DRC7: variants seen among roughly 807,000 people sequenced by gnomAD.
The protein encoded by DRC7 is dynein regulatory complex subunit 7, also known as coiled-coil domain containing 135.
DRC7 carries 80 observed loss-of-function variants against 104.4 expected under a neutral mutation model. That is an observed-to-expected ratio of 0.77 (90% CI 0.64 to 0.92). The LOEUF (loss-of-function observed/expected upper bound fraction) is 0.92, where lower values mean the gene tolerates loss of function less well. DRC7 is among the 40% of genes least tolerant of loss of function. The pLI, the probability that DRC7 is intolerant of heterozygous loss-of-function variation, is 0.00. For missense variants in DRC7, 1,034 were observed against 1,141.1 expected, an observed-to-expected ratio of 0.91 and a Z score of 1.35; for synonymous variants, 405 against 447.3, an observed-to-expected ratio of 0.91 and a Z score of 1.19.
At chr16:57,709,914 C>T (rs2048775886) in intron 8 of DRC7, among the ~76,000 whole-genome samples, 1 of 152,192 alleles carries the variant, frequency 6.6e-6, no homozygotes, top group Non-Finnish European at 1.5e-5. Context: ...AGACTGCAGG[C>T]ATGTGCCACT....
intron 7 of DRC7, among the ~76,000 whole-genome samples, chr16:57,705,455 T>A (rs2048702688): frequency 7.4e-6 from 1 of 134,700 alleles, no homozygotes; most frequent in African/African-American, 2.8e-5. Flanking sequence ...TGATCTCTCC[T>A]CCCATTCATC....
chr16:57,722,966 T>C, intron 11 of DRC7, 36 bp from the exon 12 acceptor site: 1 of 1,613,478 alleles, frequency 6.2e-7, no homozygotes, highest in Middle Eastern at 1.7e-4. Flanking sequence ...CTAGGGGAGC[T>C]GGCCTGGCTG....
rs773563436 is a variant in DRC7, at chr16:57,724,667, T to C, written c.1590T>C (p.Tyr530=). The C allele has an allele frequency of 1.2e-6, 2 of 1,613,972 alleles. No individual in the cohort carries two copies. The highest frequency in any genetic ancestry group is 1.7e-6 in the Non-Finnish European group (2 of 1,180,012). The stretch of plus-strand genomic sequence containing the variant: ...AGATGGACCGTGTCATTGAGTTTTA[T>C]GAAACGGCCCGTGTGGATGGCCTGA... ...QPEMDRVIEF[Y]ETARVDGLMK... Residue 530 remains tyrosine (Y), a synonymous_variant, in exon 13 of 19, where the codon TAT becomes TAC. Coordinates refer to ENST00000360716, the MANE Select transcript of DRC7 (RefSeq NM_001289162.2).
intron 8 of DRC7, among the ~76,000 whole-genome samples, chr16:57,712,056 G>A (rs1434230651): frequency 6.6e-6 from 1 of 152,172 alleles, no homozygotes; most frequent in East Asian, 1.9e-4. Flanking sequence ...AAGCAAGAAG[G>A]AGGTCTGCTT....
At chr16:57,718,547 C>A (rs1480727265) in intron 9 of DRC7, 72 bp downstream of exon 9, 11 of 1,569,176 alleles carry the variant, frequency 7.0e-6, no homozygotes, top group Non-Finnish European at 9.6e-6. Flanking sequence ...GTGTCCCCAG[C>A]AGCATATGTG....
At chr16:57,701,700 CT>C (rs1343549043) in intron 5 of DRC7, 12 of 519,396 alleles carry the variant, frequency 2.3e-5, no homozygotes, top group Non-Finnish European at 3.8e-5. Context: ...AGGTTTCCCC[CT>C]ATCAGGAAGT....
intron 12 of DRC7, among the ~76,000 whole-genome samples, chr16:57,723,506 G>C (rs1365254092): frequency 6.6e-6 from 1 of 152,076 alleles, no homozygotes; most frequent in Admixed American, 6.6e-5. Context: ...GCCAACATGG[G>C]CAGTTGAGCC....
Position 57,718,423 on chromosome 16 carries a change from T to A in DRC7, c.1154T>A (p.Leu385Ter). ...GGGACTGATAAGTCTCAGCTGTCCT[T>A]GACTGAAGAAGACGACAGTGGGATA... ...LLGTDKSQLSLTEEDDSGIND... is the reference protein window; with the variant it reads ...LLGTDKSQLS The change falls in exon 9 of 19, where the codon TTG (leucine) becomes TAG (stop). Residue 385 changes from leucine (L) to a stop codon, truncating the protein, a stop_gained. Coordinates refer to ENST00000360716, the MANE Select transcript of DRC7 (RefSeq NM_001289162.2). LOFTEE classifies it high-confidence loss of function. The A allele has an allele frequency of 6.2e-7, 1 of 1,614,078 alleles. No individual in the cohort carries two copies.
chr16:57,731,060 C>T lies in DRC7; in HGVS notation c.2521C>T (p.Arg841Cys), dbSNP rs369743078. ...GTTCCGCATCCGCATCCTGGAGCAG[C>T]GCCTCAATCGGTGAGCAGGCAGGGC... is the stretch of plus-strand genomic sequence containing the variant. ...AMFRIRILEQ[R>C]LNRHKELAPL... Residue 841 changes from arginine (R) to cysteine (C), a missense_variant, in exon 18 of 19, where the codon CGC (arginine) becomes TGC (cysteine). Physicochemically the swap from Arg to Cys is radical, Grantham distance 180. Coordinates refer to ENST00000360716, the MANE Select transcript of DRC7 (RefSeq NM_001289162.2). The T allele has an allele frequency of 2.4e-5, 38 of 1,613,616 alleles. No homozygotes were observed. The highest frequency in any genetic ancestry group is 1.6e-4 in the Middle Eastern group (1 of 6,082).
At position 57,729,173 on chromosome 16, in the gene DRC7, G is replaced by A. The variant is rs1452893223; in HGVS notation, c.2391+589G>A. Among the ~76,000 whole-genome samples the A allele has an allele frequency of 4.6e-5, 6 of 130,390 alleles. No individual in the cohort carries two copies. In the East Asian group the frequency reaches 7.5e-4, roughly 16 times the overall value. 85.5% of individuals were successfully genotyped at this position (130,390 alleles called of 152,430 possible). ...GGGTGGATGGATGAATGGATGAGTG[G>A]GTGGGTAGATGGATGAATGGATGGA... On this transcript the variant is annotated intron_variant, in intron 17 of 18. Transcript: ENST00000360716.
intron 6 of DRC7, among the ~76,000 whole-genome samples, chr16:57,703,570 G>A (rs1263338738): frequency 1.3e-5 from 2 of 152,138 alleles, no homozygotes; most frequent in African/African-American, 2.4e-5. Context: ...GTGGGAGAAG[G>A]GCGAGACAGA....
intron 7 of DRC7, among the ~76,000 whole-genome samples, chr16:57,705,808 C>CCACCCA (rs2048714648): frequency 2.9e-5 from 1 of 34,634 alleles, no homozygotes; most frequent in African/African-American, 2.1e-4. Flanking sequence ...CCTCCCATTT[C>CCACCCA]TCCTCCCATC....
intron 9 of DRC7, among the ~76,000 whole-genome samples, chr16:57,718,765 G>C (rs1242362255): frequency 2.0e-5 from 3 of 152,140 alleles, no homozygotes; most frequent in Non-Finnish European, 4.4e-5. Context: ...GAGTTGCCCT[G>C]CTCCTTTGGA....
chr16:57,726,247 G>T lies in DRC7; in HGVS notation c.1938G>T (p.Lys646Asn). 6.2e-7 allele frequency: 1 copy of T among 1,612,854 alleles called. No homozygotes were observed. The highest frequency in any genetic ancestry group is 8.5e-7 in the Non-Finnish European group (1 of 1,179,726). The change falls in exon 14 of 19, where the codon AAG becomes AAT. Residue 646 changes from lysine (K) to asparagine (N), a missense_variant. By Grantham distance (94) the Lys-to-Asn change is moderately conservative (BLOSUM62 0). Transcript: ENST00000360716. ...RRTEVDSKGNKIIMTPDMCIS... is the reference protein window; with the variant it reads ...RRTEVDSKGNNIIMTPDMCIS... ...CCGAGGTGGACAGCAAAGGCAACAAGATCATCATGACGCCCGACATGTGCA... is the reference window on the plus strand; with the variant it reads ...CCGAGGTGGACAGCAAAGGCAACAATATCATCATGACGCCCGACATGTGCA...
intron 8 of DRC7, 95 bp from the exon 9 acceptor site, chr16:57,718,252 C>G: frequency 6.7e-7 from 1 of 1,500,912 alleles, no homozygotes; most frequent in East Asian, 2.3e-5. Context: ...GGTCCCTTCT[C>G]TGCCCCGGAG....
chr16:57,705,769 CCCATCCATCCATCCTCCCAT>C (rs2048712273), intron 7 of DRC7, among the ~76,000 whole-genome samples: 1 of 117,792 alleles, frequency 8.5e-6, no homozygotes, highest in African/African-American at 3.4e-5. Flanking sequence ...CATCCATCCT[CCCATCCATCCATCCTCCCAT>C]CCATCCATCC....
Position 57,726,852 on chromosome 16 carries a change from C to T in DRC7, c.1995C>T (p.Thr665=). Residue 665 remains threonine, a synonymous_variant, in exon 15 of 19, where the codon ACC becomes ACT. Transcript: ENST00000360716. ...CCCAGGTGGAGCCCATGGAGCACAC[C>T]AAGAAGCTGCTCTACCAGTACGAGG... ...ISFEVEPMEH[T]KKLLYQYEAM... The T allele has an allele frequency of 6.2e-7, 1 of 1,612,396 alleles. No individual in the cohort carries two copies. Among genetic ancestry groups the T allele is most frequent in the Non-Finnish European group, 8.5e-7 (1 of 1,179,270 alleles).
intron 7 of DRC7, among the ~76,000 whole-genome samples, chr16:57,706,051 TCCATCCATCCTCCCATTTTG>T (rs2048720353): frequency 8.4e-6 from 1 of 119,654 alleles, no homozygotes; most frequent in Non-Finnish European, 1.7e-5. Context: ...CATCCTCCCA[TCCATCCATCCTCCCATTTTG>T]CCTCCCATCC....
At position 57,723,050 on chromosome 16, in the gene DRC7, T is replaced by C. The variant is rs1414954397; in HGVS notation, c.1457T>C (p.Met486Thr). ...IKEWYQNREDMLELKHINKTT... is the reference protein window; with the variant it reads ...IKEWYQNREDTLELKHINKTT... ...GAGTGGTACCAGAACCGGGAAGACA[T>C]GCTGGAGCTGAAACACATAAACAAG... Residue 486 changes from methionine (M) to threonine (T), a missense_variant, in exon 12 of 19, where the codon ATG becomes ACG. Physicochemically the swap from Met to Thr is moderately conservative, Grantham distance 81. Coordinates refer to ENST00000360716, the MANE Select transcript of DRC7 (RefSeq NM_001289162.2). The C allele has an allele frequency of 1.2e-6, 2 of 1,613,858 alleles. No individual in the cohort carries two copies. The highest frequency in any genetic ancestry group is 1.7e-6 in the Non-Finnish European group (2 of 1,179,994).
Sources: gnomAD v4.1 joint callset for allele counts (sites outside exome capture counted in the v4.1 genomes callset) on GRCh38, gnomAD v4.1.1 for gene constraint, MANE v1.5 for transcripts, NCBI Gene and HGNC (gene_info 2026-07-23, HGNC 2026-07-21) for gene names.